Variants in ZBTB20 observed in about 807,000 individuals in gnomAD.
ZBTB20 encodes zinc finger and BTB domain containing 20, also known as zinc finger and BTB domain-containing protein 20.
In ZBTB20, 9 loss-of-function variants were observed where a neutral mutation model predicts 56.9. That is an observed-to-expected ratio of 0.16 (90% CI 0.10 to 0.28). The LOEUF (loss-of-function observed/expected upper bound fraction) is 0.28. ZBTB20 is among the 10% of genes least tolerant of loss of function. ZBTB20 has a pLI of 1.00. For synonymous variants in ZBTB20, 417 were observed against 420.7 expected, an observed-to-expected ratio of 0.99 and a Z score of 0.11; for missense variants, 655 against 1,003.0, an observed-to-expected ratio of 0.65 and a Z score of 4.69.
Position 114,334,748 on chromosome 3 carries a change from A to G in ZBTB20, c.*4257T>C, listed in dbSNP as rs1048380481. 1 of 152,240 alleles carries G rather than the reference A, an allele frequency of 6.6e-6. No homozygotes were observed. The allele number at this position is 152,240 out of a possible 1,614,324, so 9.4% of individuals were successfully genotyped here. ...ATATGAGCAGGAAATTATCCAGCACACTTAATCATGGCACAAATAGATTCA... is the reference window on the plus strand; with the variant it reads ...ATATGAGCAGGAAATTATCCAGCACGCTTAATCATGGCACAAATAGATTCA... On this transcript the variant is annotated 3_prime_UTR_variant, in exon 12 of 12. Coordinates refer to ENST00000675478, the MANE Select transcript of ZBTB20 (RefSeq NM_001348800.3).
At chr3:114,862,606 G>A (rs2075583555) in intron 4 of ZBTB20, among the ~76,000 whole-genome samples, 1 of 152,086 alleles carries the variant, frequency 6.6e-6, no homozygotes, top group Non-Finnish European at 1.5e-5. Context: ...GAAAGTGTAC[G>A]AGTCCATGTG....
At chr3:114,621,842 G>A (rs1356042249) in intron 6 of ZBTB20, among the ~76,000 whole-genome samples, 1 of 152,048 alleles carries the variant, frequency 6.6e-6, no homozygotes, top group Non-Finnish European at 1.5e-5. Context: ...AGCCATTGAA[G>A]CACAAAAAAT....
intron 5 of ZBTB20, among the ~76,000 whole-genome samples, chr3:114,717,945 T>A (rs2064615933): frequency 6.6e-6 from 1 of 152,160 alleles, no homozygotes. Context: ...TTAAGCCTAT[T>A]TAAGCCTCAT....
chr3:115,105,634 A>C (rs2083698287), intron 1 of ZBTB20, among the ~76,000 whole-genome samples: 1 of 152,228 alleles, frequency 6.6e-6, no homozygotes, highest in South Asian at 2.1e-4. Context: ...CTCCATCTAA[A>C]GTACATACTC....
At chr3:114,365,927 G>GA (rs1280974621) in intron 10 of ZBTB20, among the ~76,000 whole-genome samples, 2 of 152,048 alleles carry the variant, frequency 1.3e-5, no homozygotes, top group Admixed American at 1.3e-4. Context: ...TCTGCTGAAT[G>GA]AAAAAAATAA....
chr3:115,137,461 T>C (rs1246511267), intron 1 of ZBTB20, among the ~76,000 whole-genome samples: 1 of 152,096 alleles, frequency 6.6e-6, no homozygotes, highest in African/African-American at 2.4e-5. Flanking sequence ...TCCAAAGTCA[T>C]GTACACTGAC....
At chr3:114,778,674 A>G (rs2069825079) in intron 5 of ZBTB20, among the ~76,000 whole-genome samples, 1 of 152,200 alleles carries the variant, frequency 6.6e-6, no homozygotes, top group African/African-American at 2.4e-5. Context: ...AGAAGAACTG[A>G]GAAAATCAAG....
chr3:114,694,897 G>A (rs1046850223), intron 5 of ZBTB20, among the ~76,000 whole-genome samples: 6 of 152,066 alleles, frequency 3.9e-5, no homozygotes, highest in African/African-American at 1.4e-4. Context: ...ATAAAATGAA[G>A]TGATTGGTCC....
chr3:114,373,180 C>T (rs544622921), intron 10 of ZBTB20, among the ~76,000 whole-genome samples: 4 of 152,192 alleles, frequency 2.6e-5, no homozygotes, highest in Admixed American at 6.5e-5. Context: ...TCCCAAAGTG[C>T]GGGGATTACA....
intron 7 of ZBTB20, among the ~76,000 whole-genome samples, chr3:114,490,369 C>T (rs2042603617): frequency 6.6e-6 from 1 of 151,930 alleles, no homozygotes; most frequent in Non-Finnish European, 1.5e-5. Flanking sequence ...TTACAAGCAC[C>T]CGCCACTATG....
chr3:114,813,083 A>C (rs977317421), intron 4 of ZBTB20, among the ~76,000 whole-genome samples: 7 of 152,342 alleles, frequency 4.6e-5, no homozygotes, highest in Admixed American at 4.6e-4. Flanking sequence ...GGCCTTGGCC[A>C]GCCCAGAAAG....
chr3:114,723,158 CT>C (rs11394576), intron 5 of ZBTB20, among the ~76,000 whole-genome samples: 2,049 of 149,300 alleles, frequency 0.014, 49 homozygotes, highest in African/African-American at 0.045. Context: ...TTTTATTTTA[CT>C]TTTTTTTTTG....
At chr3:114,751,059 A>T (rs976023623) in intron 5 of ZBTB20, among the ~76,000 whole-genome samples, 1 of 152,172 alleles carries the variant, frequency 6.6e-6, no homozygotes, top group Non-Finnish European at 1.5e-5. Flanking sequence ...ATTTAAATAG[A>T]TCAAATTTAT....
intron 5 of ZBTB20, among the ~76,000 whole-genome samples, chr3:114,717,687 A>C (rs983211707): frequency 6.6e-6 from 1 of 152,010 alleles, no homozygotes; most frequent in African/African-American, 2.4e-5. Context: ...GTATTAGAAA[A>C]ATTGTCCGTA....
intron 6 of ZBTB20, among the ~76,000 whole-genome samples, chr3:114,599,924 G>T (rs1279262792): frequency 1.3e-5 from 2 of 151,922 alleles, no homozygotes; most frequent in Admixed American, 1.3e-4. Flanking sequence ...ACTATGGGGG[G>T]TGAAGGGGAG....
chr3:114,681,158 A>C (rs1012105411), intron 6 of ZBTB20, among the ~76,000 whole-genome samples: 1 of 121,058 alleles, frequency 8.3e-6, no homozygotes, highest in Non-Finnish European at 1.8e-5. Flanking sequence ...TGAGCGTATA[A>C]TTTTTTTTTT....
At chr3:114,782,611 T>C (rs1173121992) in intron 5 of ZBTB20, among the ~76,000 whole-genome samples, 2 of 152,170 alleles carry the variant, frequency 1.3e-5, no homozygotes, top group African/African-American at 2.4e-5. Context: ...GGTGCAAATA[T>C]AATCTGCCTA....
intron 7 of ZBTB20, among the ~76,000 whole-genome samples, chr3:114,406,805 G>A (rs768302973): frequency 2.6e-5 from 4 of 151,920 alleles, no homozygotes; most frequent in African/African-American, 4.8e-5. Flanking sequence ...CTATATTGAG[G>A]AATAAAATGT....
intron 5 of ZBTB20, among the ~76,000 whole-genome samples, chr3:114,767,667 A>G (rs990675399): frequency 9.9e-5 from 15 of 151,954 alleles, no homozygotes; most frequent in African/African-American, 3.4e-4. Flanking sequence ...AAAAAGGTAA[A>G]GCCATTATAG....
Sources: allele counts gnomAD v4.1 joint callset (sites outside exome capture counted in the v4.1 genomes callset), GRCh38; gene constraint gnomAD v4.1.1; transcripts MANE v1.5; gene names NCBI Gene and HGNC (gene_info 2026-07-23, HGNC 2026-07-21).